Variants in GRIK2 observed in about 807,000 individuals in gnomAD.
GRIK2 encodes glutamate ionotropic receptor kainate type subunit 2, also known as glutamate receptor ionotropic, kainate 2.
In GRIK2, 32 loss-of-function variants were observed where a neutral mutation model predicts 100.3. That is an observed-to-expected ratio of 0.32 (90% confidence interval 0.24 to 0.43). The LOEUF (loss-of-function observed/expected upper bound fraction) is 0.43. Ranked by LOEUF, GRIK2 falls within the 20% of genes least tolerant of loss-of-function variation. GRIK2 has a pLI of 1.00. For synonymous variants in GRIK2, 417 were observed against 389.4 expected, an observed-to-expected ratio of 1.07 and a Z score of -0.83; for missense variants, 843 against 1,114.9, an observed-to-expected ratio of 0.76 and a Z score of 3.47.
intron 11 of GRIK2, chr6:101,860,917 AT>A: frequency 1.1e-6 from 1 of 917,852 alleles, no homozygotes; most frequent in Non-Finnish European, 1.3e-6. Context: ...TTTCTGAGGC[AT>A]TAGGTATTGT....
At position 101,448,433 on chromosome 6, in the gene GRIK2, A is replaced by G. The variant is rs1468001948; in HGVS notation, c.115+49041A>G. Among the ~76,000 whole-genome samples, 3 of 151,586 alleles carry G rather than the reference A, an allele frequency of 2.0e-5. No homozygotes were observed. In the Admixed American group the frequency reaches 2.0e-4, roughly 10 times the overall value. On this transcript the variant is annotated intron_variant, in intron 2 of 16. Transcript: ENST00000369134. Reference sequence around the variant, plus strand: ...TTTAGTCAATCAAATTGTGCAAATTATTTTCCCAAATTTGAACTAACCATA... The same window carrying G: ...TTTAGTCAATCAAATTGTGCAAATTGTTTTCCCAAATTTGAACTAACCATA...
At chr6:101,407,961 T>C (rs1205483957) in intron 2 of GRIK2, among the ~76,000 whole-genome samples, 1 of 152,146 alleles carries the variant, frequency 6.6e-6, no homozygotes, top group East Asian at 1.9e-4. Context: ...GTATCATTGG[T>C]GGAAGACTCA....
intron 12 of GRIK2, among the ~76,000 whole-genome samples, chr6:101,908,862 T>C (rs1287572603): frequency 6.6e-6 from 1 of 151,312 alleles, no homozygotes; most frequent in Non-Finnish European, 1.5e-5. Context: ...AAAATTCTTT[T>C]GGAATGAAAA....
intron 2 of GRIK2, among the ~76,000 whole-genome samples, chr6:101,541,301 C>T (rs1057112506): frequency 3.3e-5 from 5 of 149,526 alleles, no homozygotes; most frequent in Non-Finnish European, 4.4e-5. Flanking sequence ...AGTGTTATAT[C>T]GAAGATGGGA....
intron 14 of GRIK2, among the ~76,000 whole-genome samples, chr6:101,965,928 T>C (rs914026287): frequency 6.6e-6 from 1 of 152,180 alleles, no homozygotes; most frequent in Non-Finnish European, 1.5e-5. Flanking sequence ...TATAATCTAT[T>C]ATTCTTTTTA....
intron 9 of GRIK2, among the ~76,000 whole-genome samples, chr6:101,811,925 A>G (rs1472863425): frequency 6.6e-6 from 1 of 151,698 alleles, no homozygotes; most frequent in African/African-American, 2.4e-5. Flanking sequence ...CCTAGAAAAA[A>G]ATACACAGAA....
intron 7 of GRIK2, among the ~76,000 whole-genome samples, chr6:101,768,844 A>T (rs1054235906): frequency 6.6e-6 from 1 of 152,198 alleles, no homozygotes; most frequent in Non-Finnish European, 1.5e-5. Flanking sequence ...AAGAAAATTA[A>T]GTTAAATAAT....
At chr6:101,458,611 A>G (rs1239149207) in intron 2 of GRIK2, among the ~76,000 whole-genome samples, 1 of 152,166 alleles carries the variant, frequency 6.6e-6, no homozygotes, top group Non-Finnish European at 1.5e-5. Context: ...TGGGGTCAGG[A>G]TCTTTTCCAT....
intron 7 of GRIK2, among the ~76,000 whole-genome samples, chr6:101,791,322 C>T (rs1442592932): frequency 1.3e-5 from 2 of 152,100 alleles, no homozygotes; most frequent in Non-Finnish European, 2.9e-5. Flanking sequence ...TTGGATCTTT[C>T]CTGCTTTCTC....
intron 7 of GRIK2, among the ~76,000 whole-genome samples, chr6:101,791,370 C>G (rs1205723057): frequency 6.6e-6 from 1 of 152,168 alleles, no homozygotes; most frequent in Non-Finnish European, 1.5e-5. Flanking sequence ...CCTCTACACA[C>G]TGCTTTGAAT....
chr6:102,045,281 C>T (rs1770823863), intron 15 of GRIK2, among the ~76,000 whole-genome samples: 2 of 152,040 alleles, frequency 1.3e-5, no homozygotes, highest in South Asian at 4.1e-4. Flanking sequence ...AATTAGTCTT[C>T]AGGAAAGGTA....
At chr6:102,033,322 A>T (rs942199449) in intron 14 of GRIK2, among the ~76,000 whole-genome samples, 2 of 151,168 alleles carry the variant, frequency 1.3e-5, no homozygotes, top group Admixed American at 6.6e-5. Context: ...GTGGTTATGG[A>T]TTTCAACTTA....
At chr6:101,402,216 T>C (rs1321525877) in intron 2 of GRIK2, among the ~76,000 whole-genome samples, 2 of 152,060 alleles carry the variant, frequency 1.3e-5, no homozygotes, top group African/African-American at 4.8e-5. Flanking sequence ...CCTCTCCCTC[T>C]CTGTATGGCA....
At chr6:101,995,571 G>A (rs1013593849) in intron 14 of GRIK2, among the ~76,000 whole-genome samples, 3 of 151,792 alleles carry the variant, frequency 2.0e-5, no homozygotes, top group Admixed American at 1.3e-4. Flanking sequence ...GCTCATCAAC[G>A]TCTTTTCAAA....
At chr6:101,611,777 G>A (rs1779687614) in intron 2 of GRIK2, among the ~76,000 whole-genome samples, 1 of 151,674 alleles carries the variant, frequency 6.6e-6, no homozygotes, top group Admixed American at 6.6e-5. Flanking sequence ...ATCACCTTTT[G>A]GGAAGCTGTC....
intron 14 of GRIK2, among the ~76,000 whole-genome samples, chr6:101,930,776 T>C (rs1790218531): frequency 6.6e-6 from 1 of 152,254 alleles, no homozygotes; most frequent in Non-Finnish European, 1.5e-5. Flanking sequence ...TGCTATGCAA[T>C]TTTTGCCTAC....
At chr6:101,463,654 T>A (rs575211980) in intron 2 of GRIK2, among the ~76,000 whole-genome samples, 3 of 152,106 alleles carry the variant, frequency 2.0e-5, no homozygotes, top group Non-Finnish European at 4.4e-5. Flanking sequence ...TATGTACACC[T>A]GTTTCCTGGC....
chr6:101,672,134 G>A (rs11963386), intron 4 of GRIK2, among the ~76,000 whole-genome samples: 1,635 of 152,108 alleles, frequency 0.011, 31 homozygotes, highest in African/African-American at 0.038. Flanking sequence ...TTTGAGTGGC[G>A]GTTTGTATTT....
chr6:101,694,013 A>T (rs764063445), intron 7 of GRIK2, among the ~76,000 whole-genome samples: 11 of 152,120 alleles, frequency 7.2e-5, no homozygotes, highest in Non-Finnish European at 1.0e-4. Flanking sequence ...AGGACAGTCA[A>T]TGTCAAGGAC....
Sources: allele counts gnomAD v4.1 joint callset (sites outside exome capture counted in the v4.1 genomes callset), GRCh38; gene constraint gnomAD v4.1.1; transcripts MANE v1.5; gene names NCBI Gene and HGNC (gene_info 2026-07-23, HGNC 2026-07-21).